Variants in ALK observed in about 807,000 individuals in gnomAD.
ALK encodes ALK tyrosine kinase receptor.
A neutral mutation model predicts 163.1 loss-of-function variants in ALK; 74 were observed. The ratio of observed to expected loss-of-function variants is 0.45; its 90% CI spans 0.38 to 0.55. The LOEUF is 0.55. Among genes scored for constraint, ALK ranks in the 20% least tolerant of loss-of-function variants. The pLI is 0.00. For missense variants in ALK, 2,063 were observed against 2,105.3 expected, an observed-to-expected ratio of 0.98 and a Z score of 0.39; for synonymous variants, 960 against 843.2, an observed-to-expected ratio of 1.14 and a Z score of -2.40.
intron 1 of ALK, among the ~76,000 whole-genome samples, chr2:29,757,792 G>C (rs946496844): frequency 5.9e-5 from 9 of 151,990 alleles, no homozygotes; most frequent in African/African-American, 2.2e-4. Flanking sequence ...ATTCTGGTTT[G>C]GTTTTGGTTG....
At chr2:29,372,910 T>A (rs1470953345) in intron 5 of ALK, among the ~76,000 whole-genome samples, 1 of 152,232 alleles carries the variant, frequency 6.6e-6, no homozygotes, top group African/African-American at 2.4e-5. Flanking sequence ...GGTGGTGAAC[T>A]GGAACCAATG....
intron 2 of ALK, among the ~76,000 whole-genome samples, chr2:29,697,687 T>C (rs1678614337): frequency 6.6e-6 from 1 of 152,232 alleles, no homozygotes; most frequent in Non-Finnish European, 1.5e-5. Flanking sequence ...GGAATTCAGT[T>C]TGAGTCCAGG....
At chr2:29,834,973 G>A (rs571333711) in intron 1 of ALK, among the ~76,000 whole-genome samples, 1 of 152,304 alleles carries the variant, frequency 6.6e-6, no homozygotes, top group East Asian at 1.9e-4. Context: ...TCATGGTAAA[G>A]AAAACTGCCC....
At chr2:29,303,910 A>G (rs1666435451) in intron 8 of ALK, among the ~76,000 whole-genome samples, 1 of 152,222 alleles carries the variant, frequency 6.6e-6, no homozygotes, top group African/African-American at 2.4e-5. Context: ...GAAAAGGACG[A>G]AAAACTACCT....
chr2:29,867,876 G>T (rs1411925817), intron 1 of ALK, among the ~76,000 whole-genome samples: 1 of 152,192 alleles, frequency 6.6e-6, no homozygotes, highest in African/African-American at 2.4e-5. Flanking sequence ...GGGGTGTGCT[G>T]CAGCAAGATG....
At position 29,921,554 on chromosome 2, in the gene ALK, C is replaced by T; in HGVS notation, c.-895G>A. On this transcript the variant is annotated 5_prime_UTR_variant, in exon 1 of 29. Transcript: ENST00000389048. The stretch of plus-strand genomic sequence containing the variant: ...GGCGGGAGGTACCAGCTGCTACCAC[C>T]GCTGCCGCCCCCAGAGCCGCTGGAT... 4.3e-6 allele frequency: 1 copy of T among 231,460 alleles called. No individual in the cohort carries two copies. Among genetic ancestry groups the T allele is most frequent in the Non-Finnish European group, 8.6e-6 (1 of 116,780 alleles). The allele number at this position is 231,460 out of a possible 1,614,324, so 14.3% of individuals were successfully genotyped here.
In ALK at chr2:29,371,542, C is replaced by G. The variant is rs189504365; in HGVS notation, c.1282+12190G>C. Among the ~76,000 whole-genome samples, 590 of 152,338 alleles carry G rather than the reference C, an allele frequency of 3.9e-3. 2 individuals are homozygous for G. Among genetic ancestry groups the G allele is most frequent in the African/African-American group, 0.014 (562 of 41,568 alleles). On this transcript the variant is annotated intron_variant, in intron 5 of 28. Coordinates refer to ENST00000389048, the MANE Select transcript of ALK (RefSeq NM_004304.5). ...CCTCTCCCCACCTCACCCTTCCCCA[C>G]CCTACCCCACCAAACAAACAAAACA...
intron 3 of ALK, among the ~76,000 whole-genome samples, chr2:29,613,022 G>T (rs1213211971): frequency 6.6e-6 from 1 of 152,204 alleles, no homozygotes; most frequent in East Asian, 1.9e-4. Context: ...GAGTACAAAA[G>T]CAAAGGCACA....
At chr2:29,760,408 A>C (rs973385158) in intron 1 of ALK, among the ~76,000 whole-genome samples, 2 of 152,214 alleles carry the variant, frequency 1.3e-5, no homozygotes, top group Non-Finnish European at 2.9e-5. Flanking sequence ...ATAGAGTGAT[A>C]ATGAAGTGAG....
At chr2:29,508,388 C>T (rs539972951) in intron 4 of ALK, among the ~76,000 whole-genome samples, 24 of 152,158 alleles carry the variant, frequency 1.6e-4, no homozygotes, top group African/African-American at 5.8e-4. Context: ...GAGTTCATGT[C>T]CTTTGTAGGG....
At chr2:29,810,723 T>G (rs906531423) in intron 1 of ALK, among the ~76,000 whole-genome samples, 2 of 152,202 alleles carry the variant, frequency 1.3e-5, no homozygotes, top group Non-Finnish European at 2.9e-5. Context: ...CTCTTAGGCC[T>G]TATATTAAGA....
At chr2:29,295,857 A>G (rs1427306222) in intron 9 of ALK, among the ~76,000 whole-genome samples, 4 of 152,174 alleles carry the variant, frequency 2.6e-5, no homozygotes, top group Non-Finnish European at 4.4e-5. Context: ...TTTAGCCCAT[A>G]AAAGATGGCT....
At chr2:29,575,182 AG>A (rs769196084) in intron 3 of ALK, among the ~76,000 whole-genome samples, 14 of 152,186 alleles carry the variant, frequency 9.2e-5, no homozygotes, top group Non-Finnish European at 1.6e-4. Flanking sequence ...GTTGGTTATA[AG>A]GGTGAACGGT....
intron 11 of ALK, 78 bp downstream of exon 11, chr2:29,275,021 C>T (rs534910500): frequency 1.3e-6 from 2 of 1,587,924 alleles, no homozygotes; most frequent in African/African-American, 1.3e-5. Context: ...GCTCCCCACC[C>T]TAAAGACAGC....
At chr2:29,427,728 G>A (rs1207635882) in intron 4 of ALK, among the ~76,000 whole-genome samples, 1 of 151,930 alleles carries the variant, frequency 6.6e-6, no homozygotes, top group Admixed American at 6.6e-5. Flanking sequence ...AAACGCAAAT[G>A]GACTAAACAA....
intron 12 of ALK, among the ~76,000 whole-genome samples, chr2:29,248,629 G>T (rs75677783): frequency 0.052 from 7,940 of 152,218 alleles, 266 homozygotes; most frequent in Non-Finnish European, 0.079. Context: ...GCTGGGGCCC[G>T]GAGCTGGCCT....
At chr2:29,459,766 T>A (rs1466769281) in intron 4 of ALK, among the ~76,000 whole-genome samples, 1 of 151,966 alleles carries the variant, frequency 6.6e-6, no homozygotes, top group African/African-American at 2.4e-5. Context: ...ACAGCTGAGG[T>A]CCCCAACAAT....
chr2:29,753,380 G>C (rs1238089423), intron 1 of ALK, among the ~76,000 whole-genome samples: 1 of 152,160 alleles, frequency 6.6e-6, no homozygotes, highest in African/African-American at 2.4e-5. Context: ...TTACGGGGGG[G>C]AGCACGACCA....
At chr2:29,197,892 C>T (rs920045032) in intron 26 of ALK, among the ~76,000 whole-genome samples, 10 of 152,112 alleles carry the variant, frequency 6.6e-5, no homozygotes, top group African/African-American at 2.4e-5. Flanking sequence ...ATTTTTAAGT[C>T]GTTTCTGTGC....
Sources: allele counts gnomAD v4.1 joint callset (sites outside exome capture counted in the v4.1 genomes callset), GRCh38; gene constraint gnomAD v4.1.1; transcripts MANE v1.5; gene names NCBI Gene and HGNC (gene_info 2026-07-23, HGNC 2026-07-21).